Variants in SNURF observed in about 807,000 individuals in gnomAD.
SNURF encodes the protein SNURF protein.
A neutral mutation model predicts 11.6 loss-of-function variants in SNURF; 6 were observed. The ratio of observed to expected loss-of-function variants is 0.52; its 90% CI spans 0.28 to 1.02. The LOEUF (loss-of-function observed/expected upper bound fraction) is 1.02. Among genes scored for constraint, SNURF ranks in the 50% least tolerant of loss-of-function variants. The pLI is 0.09. For synonymous variants in SNURF, 29 were observed against 31.6 expected, an observed-to-expected ratio of 0.92 and a Z score of 0.27; for missense variants, 84 against 88.4, an observed-to-expected ratio of 0.95 and a Z score of 0.20.
At chr15:24,976,864 TTTC>T in intron 5 of SNURF, 1 of 1,604,444 alleles carries the variant, frequency 6.2e-7, no homozygotes, top group Non-Finnish European at 8.5e-7. Flanking sequence ...GGCTATGAAT[TTTC>T]TTGTTTCAGA....
downstream of SNURF, among the ~76,000 whole-genome samples, chr15:24,973,589 G>A (rs1257683111): frequency 6.6e-6 from 1 of 151,960 alleles, no homozygotes; most frequent in Non-Finnish European, 1.5e-5. Flanking sequence ...TAGCAGAGAC[G>A]GGATTTCACC....
chr15:24,960,826 ATAGT>A (rs1343640339), intron 1 of SNURF, among the ~76,000 whole-genome samples: 2 of 152,200 alleles, frequency 1.3e-5, no homozygotes, highest in Non-Finnish European at 2.9e-5. Flanking sequence ...AAAGCTGTAG[ATAGT>A]TAATGTTAAA....
At chr15:24,962,536 T>C (rs2074994855) in intron 2 of SNURF, among the ~76,000 whole-genome samples, 1 of 152,230 alleles carries the variant, frequency 6.6e-6, no homozygotes, top group African/African-American at 2.4e-5. Context: ...CAAAATGTAC[T>C]GTGCGCTGAA....
At chr15:24,978,559 A>C, downstream of SNURF, 1 of 948,094 alleles carries the variant, frequency 1.1e-6, no homozygotes, top group Non-Finnish European at 1.7e-6. Context: ...GCTAATAATA[A>C]ATGCATAGAG....
intron 1 of SNURF, among the ~76,000 whole-genome samples, chr15:24,961,647 TTTTTA>T (rs2074835132): frequency 1.3e-5 from 2 of 152,224 alleles, no homozygotes; most frequent in African/African-American, 4.8e-5. Flanking sequence ...TTTGCATGTT[TTTTTA>T]AAGTAGATAT....
chr15:24,971,319 G>A (rs1162969274), downstream of SNURF, among the ~76,000 whole-genome samples: 2 of 152,026 alleles, frequency 1.3e-5, no homozygotes, highest in Non-Finnish European at 2.9e-5. Context: ...TTGTTTTCTT[G>A]TGCTGTAAAG....
In SNURF at chr15:24,974,679, G is replaced by GGT. The variant is rs1320102362; in HGVS notation, c.*46-677_*46-676dup. The stretch of plus-strand genomic sequence containing the variant: ...TCTGTCTCCCAGTCTGGAGTGCAGT[G>GGT]GTGCGGTCTTGGCTCACTGCAACCC... On this transcript the variant is annotated intron_variant and NMD_transcript_variant, in intron 3 of 6. Coordinates refer to the SNURF transcript ENST00000580062. 33 of 621,970 alleles carry GGT rather than the reference G, an allele frequency of 5.3e-5. No individual in the cohort carries two copies. In the East Asian group the frequency reaches 8.2e-4, roughly 15 times the overall value. 38.5% of individuals were successfully genotyped at this position (621,970 alleles called of 1,614,324 possible).
At chr15:24,967,639 C>CT (rs1256548712) in intron 2 of SNURF, among the ~76,000 whole-genome samples, 2 of 122,542 alleles carry the variant, frequency 1.6e-5, no homozygotes, top group African/African-American at 6.3e-5. Context: ...GAGACTCTGT[C>CT]TTAAAAAAAA....
At chr15:24,974,894 C>A (rs1330626524) in intron 3 of SNURF, 1 of 702,470 alleles carries the variant, frequency 1.4e-6, no homozygotes, top group Admixed American at 2.0e-5. Flanking sequence ...TGAGAAAATA[C>A]AGGAGTTTTT....
At chr15:24,969,578 A>G (rs533769388), downstream of SNURF, among the ~76,000 whole-genome samples, 10 of 152,230 alleles carry the variant, frequency 6.6e-5, no homozygotes, top group South Asian at 1.7e-3. Flanking sequence ...GGAATTTTTC[A>G]TTGAATAGGT....
intron 1 of SNURF, among the ~76,000 whole-genome samples, chr15:24,956,266 C>T (rs1315146441): frequency 6.7e-6 from 1 of 149,658 alleles, no homozygotes; most frequent in East Asian, 2.1e-4. Flanking sequence ...TCGAAATAAC[C>T]TGGGGGTCTG....
At chr15:24,974,860 G>C in intron 3 of SNURF, 1 of 699,054 alleles carries the variant, frequency 1.4e-6, no homozygotes, top group Non-Finnish European at 2.6e-6. Context: ...CACTGTGCCT[G>C]GCCATGAGAA....
intron 3 of SNURF, chr15:24,974,551 T>C (rs2076842963): frequency 8.7e-7 from 1 of 1,150,214 alleles, no homozygotes; most frequent in African/African-American, 1.5e-5. Context: ...TTCTGAATGT[T>C]AGAAATAAGG....
chr15:24,954,991 A>C, exon 1 of SNURF: 1 of 1,609,410 alleles, frequency 6.2e-7, no homozygotes, highest in Non-Finnish European at 8.5e-7. Context: ...TCTGGCGCAG[A>C]GTGGAGCGGC....
At chr15:24,975,653 GA>G in intron 4 of SNURF, 1 of 661,916 alleles carries the variant, frequency 1.5e-6, no homozygotes, top group Non-Finnish European at 2.6e-6. Context: ...CTCTTGACCT[GA>G]TCTCTGAATT....
intron 2 of SNURF, among the ~76,000 whole-genome samples, chr15:24,963,859 ACCT>A (rs2075230253): frequency 6.6e-6 from 1 of 151,576 alleles, no homozygotes; most frequent in African/African-American, 2.4e-5. Context: ...ACATAGAGAG[ACCT>A]CCTCTCTACA....
chr15:24,957,360 T>TG (rs1378020193), intron 1 of SNURF, among the ~76,000 whole-genome samples: 3 of 152,302 alleles, frequency 2.0e-5, no homozygotes, highest in Admixed American at 6.5e-5. Context: ...ACAATCTTAT[T>TG]GGGGTGGGGT....
At chr15:24,957,814 T>C (rs1299899821) in intron 1 of SNURF, among the ~76,000 whole-genome samples, 2 of 152,184 alleles carry the variant, frequency 1.3e-5, no homozygotes, top group Non-Finnish European at 2.9e-5. Context: ...TTTGGCTATT[T>C]GCAAGCTGAG....
rs1555405064 is a variant in SNURF, at chr15:24,958,520, T to TAA, written c.14+3460_14+3461dup. ...TTTTTTTTTTTTTTTTTTTTTTTTTTAAATAGACCAGGGTCTCCCTATGTT... is the reference window on the plus strand; with the variant it reads ...TTTTTTTTTTTTTTTTTTTTTTTTTTAAAAATAGACCAGGGTCTCCCTATGTT... On this transcript the variant is annotated intron_variant, in intron 1 of 2. Coordinates refer to ENST00000577949, the Ensembl canonical transcript of SNURF. 2.8e-3 allele frequency among the ~76,000 whole-genome samples: 344 copies of TAA among 120,746 alleles called. 7 individuals carry two copies. Among genetic ancestry groups the TAA allele is most frequent in the African/African-American group, 0.011 (309 of 29,276 alleles). 79.2% of individuals were successfully genotyped at this position (120,746 alleles called of 152,430 possible). A position where few individuals can be genotyped will look rare whatever the true frequency, so the allele number is the denominator to read the frequency against.
Sources: gnomAD v4.1 joint callset for allele counts (sites outside exome capture counted in the v4.1 genomes callset) on GRCh38, gnomAD v4.1.1 for gene constraint, MANE v1.5 for transcripts, NCBI Gene and HGNC (gene_info 2026-07-23, HGNC 2026-07-21) for gene names.